The following TCF15 variants were observed in gnomAD, a reference collection of about 807,000 sequenced individuals.
TCF15 encodes TCF-15.
In TCF15, 7 loss-of-function variants were observed where a neutral mutation model predicts 11.1. The ratio of observed to expected loss-of-function variants is 0.63; its 90% CI spans 0.36 to 1.19. TCF15 has a LOEUF of 1.19. Among genes scored for constraint, TCF15 ranks in the 50% most tolerant of loss-of-function variants. The pLI is 0.02. For missense variants in TCF15, 288 were observed against 289.4 expected (o/e 1.00, Z 0.03); for synonymous variants, 144 against 138.9 (o/e 1.04, Z -0.26).
rs1203913082 is a variant in TCF15 at position 610,165 on chromosome 20, C to T, written c.73G>A (p.Glu25Lys). 10 of 1,053,116 alleles carry T rather than the reference C, an allele frequency of 9.5e-6. No homozygotes were observed. The highest frequency in any genetic ancestry group is 1.2e-5 in the Non-Finnish European group (10 of 867,888). The allele number at this position is 1,053,116 out of a possible 1,614,324, so 65.2% of individuals were successfully genotyped here. The part of the protein sequence containing the change: ...YPDVRLLSED[E>K]ENRSESDASD... Reference sequence around the variant, plus strand: ...GCGTCGCTCTCGCTGCGGTTCTCCTCGTCCTCGCTCAGCAGCCGCACGTCC... The same window carrying T: ...GCGTCGCTCTCGCTGCGGTTCTCCTTGTCCTCGCTCAGCAGCCGCACGTCC... Residue 25 changes from glutamate to lysine, a missense_variant, in exon 1 of 2, where the codon GAG becomes AAG. Coordinates refer to ENST00000246080, the MANE Select transcript of TCF15 (RefSeq NM_004609.4).
Position 610,218 on chromosome 20 carries a change from C to A in TCF15, c.20G>T (p.Arg7Leu). 2 of 1,019,226 alleles carry A rather than the reference C, an allele frequency of 2.0e-6. No individual in the cohort carries two copies. The highest frequency in any genetic ancestry group is 2.4e-6 in the Non-Finnish European group (2 of 850,266). 63.1% of individuals were successfully genotyped at this position (1,019,226 alleles called of 1,614,324 possible). Residue 7 changes from arginine (R) to leucine (L), a missense_variant, in exon 1 of 2, where the codon CGG (arginine) becomes CTG (leucine). Physicochemically the swap from Arg to Leu is moderately radical, Grantham distance 102. Coordinates refer to ENST00000246080, the MANE Select transcript of TCF15 (RefSeq NM_004609.4). ...GTACAGCACGTGCGCGCCGACGGGC[C>A]GCAGCAGCGCGAACGCCATGGGCGC... MAFALL[R>L]PVGAHVLYPD...
Position 609,697 on chromosome 20 carries a change from G to A in TCF15, c.525+16C>T, listed in dbSNP as rs1600450646. On this transcript the variant is annotated intron_variant, in intron 1 of 1. Coordinates refer to ENST00000246080, the MANE Select transcript of TCF15 (RefSeq NM_004609.4). This position sits in a 1 kb window ranked among gnomAD's most constrained non-coding sequence, Gnocchi z 4.7. ...CCCCGACCTGGCGGCCGCAGCGAGG[G>A]ACGCAGCACACTCACCCCCTTGCGC... The A allele has an allele frequency of 1.5e-6, 2 of 1,344,520 alleles. No homozygotes were observed. Among genetic ancestry groups the A allele is most frequent in the East Asian group, 6.2e-5 (2 of 32,410 alleles). 83.3% of individuals were successfully genotyped at this position (1,344,520 alleles called of 1,614,324 possible). A position where few individuals can be genotyped will look rare whatever the true frequency, so the allele number is the denominator to read the frequency against.
Position 604,679 on chromosome 20 carries a change from G to A in TCF15, c.526-14C>T, listed in dbSNP as rs973339252. On this transcript the variant is annotated splice_polypyrimidine_tract_variant and intron_variant, in intron 1 of 1. Coordinates refer to ENST00000246080, the MANE Select transcript of TCF15 (RefSeq NM_004609.4). The surrounding 1 kb of genome is among the most constrained non-coding windows in gnomAD (Gnocchi z 4.2). ...ACGACGGCCACCCTGCAGAGGGGGA[G>A]AAAGAGTATAAAGAGGTTCGATTAG... 6.5e-7 allele frequency: 1 copy of A among 1,548,554 alleles called. No homozygotes were observed. The highest frequency in any genetic ancestry group is 8.7e-7 in the Non-Finnish European group (1 of 1,145,628).
At position 604,550 on chromosome 20, in the gene TCF15, G is replaced by A. The variant is rs1372446101; in HGVS notation, c.*41C>T. 1 of 1,533,072 alleles carries A rather than the reference G, an allele frequency of 6.5e-7. No individual in the cohort carries two copies. The highest frequency in any genetic ancestry group is 8.8e-7 in the Non-Finnish European group (1 of 1,130,504). The allele number at this position is 1,533,072 out of a possible 1,614,324, so 95.0% of individuals were successfully genotyped here. A position where few individuals can be genotyped will look rare whatever the true frequency, so the allele number is the denominator to read the frequency against. On this transcript the variant is annotated 3_prime_UTR_variant, in exon 2 of 2. Transcript: ENST00000246080. This position sits in a 1 kb window ranked among gnomAD's most constrained non-coding sequence, Gnocchi z 4.2. ...CTCCTGGGGTCTTCTTCCCTGTCCA[G>A]CCAGTGGCTGGCTCCTGGCCTCCTT...
In TCF15 at chr20:609,090, CT is replaced by C. The variant is rs1274382170; in HGVS notation, c.525+622del. 3.9e-5 allele frequency among the ~76,000 whole-genome samples: 6 copies of C among 152,124 alleles called. No homozygotes were observed. Among genetic ancestry groups the C allele is most frequent in the African/African-American group, 1.2e-4 (5 of 41,432 alleles). On this transcript the variant is annotated intron_variant, in intron 1 of 1. Transcript: ENST00000246080. This position sits in a 1 kb window ranked among gnomAD's most constrained non-coding sequence, Gnocchi z 4.7. The stretch of plus-strand genomic sequence containing the variant: ...GAGGGCCCCTTCTTCACTCCTACTG[CT>C]CATCCGCTGGGTACCTCAGGCTCTC...
At chr20:607,652 C>T (rs2019987601) in intron 1 of TCF15, among the ~76,000 whole-genome samples, 1 of 152,226 alleles carries the variant, frequency 6.6e-6, no homozygotes, top group Non-Finnish European at 1.5e-5. Flanking sequence ...CCAGGGGAGG[C>T]CCCTGTGAGC....
intron 1 of TCF15, among the ~76,000 whole-genome samples, chr20:605,040 G>A (rs971596704): frequency 4.6e-5 from 7 of 152,090 alleles, no homozygotes; most frequent in Non-Finnish European, 8.8e-5. Flanking sequence ...TGCCAGGCTG[G>A]AATGCAGTGG....
intron 1 of TCF15, among the ~76,000 whole-genome samples, chr20:606,346 C>G (rs982658627): frequency 6.6e-6 from 1 of 152,168 alleles, no homozygotes; most frequent in Non-Finnish European, 1.5e-5. Flanking sequence ...CGCCCCCTCC[C>G]ACCCCAAGTC....
At chr20:606,238 G>C (rs763444491) in intron 1 of TCF15, among the ~76,000 whole-genome samples, 63 of 152,296 alleles carry the variant, frequency 4.1e-4, no homozygotes, top group Admixed American at 1.0e-3. Flanking sequence ...AGGAGTGGCT[G>C]AGAAGGGCAG....
Position 604,310 on chromosome 20 carries a change from C to T in TCF15, c.*281G>A. On this transcript the variant is annotated 3_prime_UTR_variant, in exon 2 of 2. Coordinates refer to ENST00000246080, the MANE Select transcript of TCF15 (RefSeq NM_004609.4). The surrounding 1 kb of genome is among the most constrained non-coding windows in gnomAD (Gnocchi z 4.2). Reference sequence around the variant, plus strand: ...ACTCACCAATTCTCTCTCACACACACTCACACTCACGCACAGATACACACA... The same window carrying T: ...ACTCACCAATTCTCTCTCACACACATTCACACTCACGCACAGATACACACA... The T allele has an allele frequency of 1.9e-6, 1 of 534,404 alleles. No individual in the cohort carries two copies. Among genetic ancestry groups the T allele is most frequent in the South Asian group, 2.1e-5 (1 of 47,386 alleles). The allele number at this position is 534,404 out of a possible 1,614,324, so 33.1% of individuals were successfully genotyped here.
rs1465355643 is a variant in TCF15 at position 609,878 on chromosome 20, G to A, written c.360C>T (p.Tyr120=). 4 of 1,527,504 alleles carry A rather than the reference G, an allele frequency of 2.6e-6. No individual in the cohort carries two copies. The East Asian group carries it at 8.1e-5, about 31-fold the overall frequency. The allele number at this position is 1,527,504 out of a possible 1,614,324, so 94.6% of individuals were successfully genotyped here. The change falls in exon 1 of 2, where the codon TAC becomes TAT. Residue 120 remains tyrosine, a synonymous_variant. Coordinates refer to ENST00000246080, the MANE Select transcript of TCF15 (RefSeq NM_004609.4). The surrounding 1 kb of genome is among the most constrained non-coding windows in gnomAD (Gnocchi z 4.7). ...KIETVRLASS[Y]IAHLANVLLL... ...GCAGCACGTTGGCCAGGTGCGCGAT[G>A]TAGCTGGACGCCAGGCGCACGGTCT...
Position 604,466 on chromosome 20 carries a change from G to C in TCF15, c.*125C>G. The C allele has an allele frequency of 1.1e-6, 1 of 878,292 alleles. No homozygotes were observed. The highest frequency in any genetic ancestry group is 1.7e-5 in the African/African-American group (1 of 60,204). 54.4% of individuals were successfully genotyped at this position (878,292 alleles called of 1,614,324 possible). On this transcript the variant is annotated 3_prime_UTR_variant, in exon 2 of 2. Transcript: ENST00000246080. This position sits in a 1 kb window ranked among gnomAD's most constrained non-coding sequence, Gnocchi z 4.2. ...GGAGATGTCCCGAGGGCCCTGCCCAGAGTGTCCCGGAACAGGCCATGGTCC... is the reference window on the plus strand; with the variant it reads ...GGAGATGTCCCGAGGGCCCTGCCCACAGTGTCCCGGAACAGGCCATGGTCC...
Position 609,207 on chromosome 20 carries a change from C to T in TCF15, c.525+506G>A, listed in dbSNP as rs1294499167. 6.6e-6 allele frequency among the ~76,000 whole-genome samples: 1 copy of T among 151,942 alleles called. No homozygotes were observed. Among genetic ancestry groups the T allele is most frequent in the Non-Finnish European group, 1.5e-5 (1 of 68,038 alleles). ...GACAATTATTTCAAGGTGGGGGCAA[C>T]ACACACCGGGCAAGCCCAGGGCCAG... On this transcript the variant is annotated intron_variant, in intron 1 of 1. Transcript: ENST00000246080. The surrounding 1 kb of genome is among the most constrained non-coding windows in gnomAD (Gnocchi z 4.7).
In TCF15 at chr20:610,220, C is replaced by T; in HGVS notation, c.18G>A (p.Leu6=). Residue 6 remains leucine, a synonymous_variant, in exon 1 of 2, where the codon CTG becomes CTA. Transcript: ENST00000246080. MAFAL[L]RPVGAHVLYP... ...ACAGCACGTGCGCGCCGACGGGCCG[C>T]AGCAGCGCGAACGCCATGGGCGCCG... is the stretch of plus-strand genomic sequence containing the variant. 2.0e-6 allele frequency: 2 copies of T among 1,019,338 alleles called. No homozygotes were observed. The highest frequency in any genetic ancestry group is 1.2e-6 in the Non-Finnish European group (1 of 850,304). The allele number at this position is 1,019,338 out of a possible 1,614,324, so 63.1% of individuals were successfully genotyped here.
In TCF15 at chr20:610,055, GCCGCCCGC is replaced by G; in HGVS notation, c.175_182del (p.Ala59ArgfsTer119). The G allele has an allele frequency of 9.1e-7, 1 of 1,104,902 alleles. No homozygotes were observed. Among genetic ancestry groups the G allele is most frequent in the South Asian group, 4.3e-5 (1 of 23,296 alleles). 68.4% of individuals were successfully genotyped at this position (1,104,902 alleles called of 1,614,324 possible). A position where few individuals can be genotyped will look rare whatever the true frequency, so the allele number is the denominator to read the frequency against. ...CCACCACGGGGCCCGCGCCGCCGCC[GCCGCCCGC>G]CCGCCGCCCGCCCCCGGGGCCCGGG... On this transcript the variant is annotated frameshift_variant, in exon 1 of 2. Coordinates refer to ENST00000246080, the MANE Select transcript of TCF15 (RefSeq NM_004609.4). LOFTEE classifies it high-confidence loss of function.
Position 609,425 on chromosome 20 carries a change from G to A in TCF15, c.525+288C>T, listed in dbSNP as rs1008136639. ...TGGGTCTTTGTTACTCAGTCCTCAT[G>A]CCGTCTTCCCAGCAGGAAGGAAGTT... On this transcript the variant is annotated intron_variant, in intron 1 of 1. Transcript: ENST00000246080. The surrounding 1 kb of genome is among the most constrained non-coding windows in gnomAD (Gnocchi z 4.7). 5.9e-5 allele frequency among the ~76,000 whole-genome samples: 9 copies of A among 152,230 alleles called. No homozygotes were observed. Among genetic ancestry groups the A allele is most frequent in the Admixed American group, 3.3e-4 (5 of 15,290 alleles).
chr20:609,854 C>G lies in TCF15; in HGVS notation c.384G>C (p.Leu128=). ...SSYIAHLANV[L]LLGDSADDGQ... is the part of the protein sequence containing the mutation. Reference sequence around the variant, plus strand: ...CGTCGTCGGCCGAGTCGCCCAGCAGCAGCACGTTGGCCAGGTGCGCGATGT... The same window carrying G: ...CGTCGTCGGCCGAGTCGCCCAGCAGGAGCACGTTGGCCAGGTGCGCGATGT... Residue 128 remains leucine, a synonymous_variant, in exon 1 of 2, where the codon CTG becomes CTC. Transcript: ENST00000246080. This position sits in a 1 kb window ranked among gnomAD's most constrained non-coding sequence, Gnocchi z 4.7. The G allele has an allele frequency of 6.5e-7, 1 of 1,530,550 alleles. No homozygotes were observed. Among genetic ancestry groups the G allele is most frequent in the Non-Finnish European group, 8.7e-7 (1 of 1,149,622 alleles). The allele number at this position is 1,530,550 out of a possible 1,614,324, so 94.8% of individuals were successfully genotyped here.
At position 604,745 on chromosome 20, in the gene TCF15, A is replaced by G; in HGVS notation, c.526-80T>C. The G allele has an allele frequency of 4.5e-6, 5 of 1,107,972 alleles. No homozygotes were observed. Among genetic ancestry groups the G allele is most frequent in the Non-Finnish European group, 6.4e-6 (5 of 782,910 alleles). 68.6% of individuals were successfully genotyped at this position (1,107,972 alleles called of 1,614,324 possible). ...GGAACTAACCTCTGTATCCCTCAAGAGGGATCCTGATCAATAAATCACAGT... is the reference window on the plus strand; with the variant it reads ...GGAACTAACCTCTGTATCCCTCAAGGGGGATCCTGATCAATAAATCACAGT... On this transcript the variant is annotated intron_variant, in intron 1 of 1. Coordinates refer to ENST00000246080, the MANE Select transcript of TCF15 (RefSeq NM_004609.4). The surrounding 1 kb of genome is among the most constrained non-coding windows in gnomAD (Gnocchi z 4.2).
chr20:604,326 G>A lies in TCF15; in HGVS notation c.*265C>T, dbSNP rs998851762. 3.5e-6 allele frequency: 2 copies of A among 568,204 alleles called. No homozygotes were observed. Among genetic ancestry groups the A allele is most frequent in the Admixed American group, 6.2e-5 (2 of 32,432 alleles). 35.2% of individuals were successfully genotyped at this position (568,204 alleles called of 1,614,324 possible). On this transcript the variant is annotated 3_prime_UTR_variant, in exon 2 of 2. Transcript: ENST00000246080. This position sits in a 1 kb window ranked among gnomAD's most constrained non-coding sequence, Gnocchi z 4.2. ...TCACACACACTCACACTCACGCACAGATACACACACACCCTGTCACCAACA... is the reference window on the plus strand; with the variant it reads ...TCACACACACTCACACTCACGCACAAATACACACACACCCTGTCACCAACA...
Sources: allele counts gnomAD v4.1 joint callset (sites outside exome capture counted in the v4.1 genomes callset), GRCh38; gene constraint gnomAD v4.1.1; non-coding constraint Gnocchi (gnomAD v3.1); transcripts MANE v1.5; gene names NCBI Gene and HGNC (gene_info 2026-07-23, HGNC 2026-07-21).